Variants in SLC37A1 observed in about 807,000 individuals in gnomAD.
The protein encoded by SLC37A1 is solute carrier family 37 member 1, also known as glucose-6-phosphate exchanger SLC37A1.
SLC37A1 carries 49 observed loss-of-function variants against 75.3 expected under a neutral mutation model. The observed-to-expected ratio is 0.65, with a 90% CI of 0.52 to 0.83. The LOEUF is 0.83. SLC37A1 is among the 40% of genes least tolerant of loss of function. The pLI is 0.00. For missense variants in SLC37A1, 566 were observed against 695.0 expected (o/e 0.81, Z 2.09); for synonymous variants, 268 against 292.1 (o/e 0.92, Z 0.84).
chr21:42,508,122 C>CT (rs398036474), intron 2 of SLC37A1, among the ~76,000 whole-genome samples: 4,412 of 80,620 alleles, frequency 0.055, 209 homozygotes, highest in East Asian at 0.11. Context: ...AGAGTACGCT[C>CT]TTTTTTTTTT....
chr21:42,572,678 A>AC (rs1491130942), intron 17 of SLC37A1, among the ~76,000 whole-genome samples: 3,618 of 31,754 alleles, frequency 0.11, 226 homozygotes, highest in African/African-American at 0.33. Context: ...ACACACACAC[A>AC]AAAAAAAAAA....
chr21:42,519,999 T>G (rs565985992), intron 2 of SLC37A1, among the ~76,000 whole-genome samples: 1 of 152,056 alleles, frequency 6.6e-6, no homozygotes, highest in East Asian at 1.9e-4. Flanking sequence ...TGTGTAGATG[T>G]ATGTTTGTAC....
intron 7 of SLC37A1, 90 bp downstream of exon 7, chr21:42,542,570 C>T: frequency 5.8e-6 from 7 of 1,209,570 alleles, no homozygotes; most frequent in Non-Finnish European, 8.4e-6. Flanking sequence ...AGCAAAAACA[C>T]TTTAGTATCC....
chr21:42,517,114 T>C (rs1489194504), intron 1 of SLC37A1, among the ~76,000 whole-genome samples: 3 of 152,250 alleles, frequency 2.0e-5, no homozygotes, highest in African/African-American at 7.2e-5. Flanking sequence ...GAATTTACAA[T>C]GAGGATAATA....
intron 10 of SLC37A1, among the ~76,000 whole-genome samples, chr21:42,556,608 A>G (rs1047485249): frequency 6.6e-6 from 1 of 152,208 alleles, no homozygotes; most frequent in Admixed American, 6.5e-5. Flanking sequence ...CGTGGAGTGC[A>G]CTGGCCACAG....
At position 42,570,109 on chromosome 21, in the gene SLC37A1, T is replaced by G. The variant is rs9982764; in HGVS notation, c.1423+1671T>G. Among the ~76,000 whole-genome samples, 30 of 46,726 alleles carry G rather than the reference T, an allele frequency of 6.4e-4. 3 individuals are homozygous for G. Among genetic ancestry groups the G allele is most frequent in the African/African-American group, 2.1e-3 (28 of 13,330 alleles). The allele number at this position is 46,726 out of a possible 152,430, so 30.7% of individuals were successfully genotyped here. On this transcript the variant is annotated intron_variant, in intron 17 of 19. Coordinates refer to ENST00000352133, the MANE Select transcript of SLC37A1 (RefSeq NM_001320537.2). The stretch of plus-strand genomic sequence containing the variant: ...CACACGGCCTGGTTCTGAGAAGTGG[T>G]GGGCAGGGTGGCTGTTGCCATGTGA...
At chr21:42,554,231 T>C in intron 10 of SLC37A1, 89 bp downstream of exon 10, 1 of 1,086,744 alleles carries the variant, frequency 9.2e-7, no homozygotes, top group Non-Finnish European at 1.3e-6. Context: ...CCTCTGCCTA[T>C]GTGACATGTG....
In SLC37A1 at chr21:42,550,841, G is replaced by T. The variant is rs565160535; in HGVS notation, c.769-3221G>T. ...CAAAAGCTGCATGATCATCTCAGTA[G>T]AAGCAGGCAAAGCACTGGACAAAAT... On this transcript the variant is annotated intron_variant, in intron 9 of 19. Transcript: ENST00000352133. Among the ~76,000 whole-genome samples, 4 of 152,360 alleles carry T rather than the reference G, an allele frequency of 2.6e-5. No individual in the cohort carries two copies. In the East Asian group the frequency reaches 7.7e-4, roughly 29 times the overall value.
Position 42,545,053 on chromosome 21 carries a change from C to T in SLC37A1, c.730+1451C>T, listed in dbSNP as rs2055372673. On this transcript the variant is annotated intron_variant, in intron 8 of 19. Coordinates refer to ENST00000352133, the MANE Select transcript of SLC37A1 (RefSeq NM_001320537.2). This position sits in a 1 kb window ranked among gnomAD's most constrained non-coding sequence, Gnocchi z 4.0. ...AGCACCCGCTCCAGGCATTCACGGC[C>T]CTATGTTGATGTTTGTCTCTGTAAG... is the stretch of plus-strand genomic sequence containing the variant. 6.6e-6 allele frequency among the ~76,000 whole-genome samples: 1 copy of T among 152,172 alleles called. No individual in the cohort carries two copies. The highest frequency in any genetic ancestry group is 6.5e-5 in the Admixed American group (1 of 15,272).
Position 42,522,446 on chromosome 21 carries a change from G to C in SLC37A1, c.57-3330G>C, listed in dbSNP as rs367738083. The stretch of plus-strand genomic sequence containing the variant: ...CCTACCCAGAGGCCAGGCGTATCGG[G>C]GTGACAACCAGCAAGGCAGCGGCCC... On this transcript the variant is annotated intron_variant, in intron 2 of 19. Transcript: ENST00000352133. 2.6e-5 allele frequency among the ~76,000 whole-genome samples: 4 copies of C among 152,144 alleles called. No individual in the cohort carries two copies. In the East Asian group the frequency reaches 5.8e-4, roughly 22 times the overall value.
chr21:42,525,055 A>G (rs1285749331), intron 2 of SLC37A1, among the ~76,000 whole-genome samples: 1 of 152,210 alleles, frequency 6.6e-6, no homozygotes, highest in Non-Finnish European at 1.5e-5. Flanking sequence ...GACTCCCTCA[A>G]CGACAGCGTT....
At chr21:42,580,319 A>C (rs1323250968) in intron 19 of SLC37A1, 26 bp from the exon 20 acceptor site, 1 of 1,610,580 alleles carries the variant, frequency 6.2e-7, no homozygotes, top group Non-Finnish European at 8.5e-7. Context: ...CTGTTAGAGC[A>C]GCTCTTCTTT....
In SLC37A1 at chr21:42,548,180, G is replaced by A. The variant is rs1057185778; in HGVS notation, c.768+1040G>A. 2.0e-5 allele frequency among the ~76,000 whole-genome samples: 3 copies of A among 152,156 alleles called. No individual in the cohort carries two copies. The highest frequency in any genetic ancestry group is 7.2e-5 in the African/African-American group (3 of 41,438). ...CTCTCTCCTTGTCTGCCCGCTCACT[G>A]CAGGAGAGCGCGCTCGGGCCTTTCA... is the stretch of plus-strand genomic sequence containing the variant. On this transcript the variant is annotated intron_variant, in intron 9 of 19. Transcript: ENST00000352133. The surrounding 1 kb of genome is among the most constrained non-coding windows in gnomAD (Gnocchi z 5.6).
intron 3 of SLC37A1, among the ~76,000 whole-genome samples, chr21:42,533,220 G>A (rs2055038317): frequency 6.6e-6 from 1 of 152,138 alleles, no homozygotes; most frequent in Non-Finnish European, 1.5e-5. Flanking sequence ...CCTCTCTCAG[G>A]TTCCAGCTCA....
chr21:42,527,269 G>C (rs918763790), intron 3 of SLC37A1, among the ~76,000 whole-genome samples: 3 of 152,156 alleles, frequency 2.0e-5, no homozygotes, highest in Non-Finnish European at 4.4e-5. Context: ...TGGCCTTTGG[G>C]GGAATCTTTG....
chr21:42,559,990 A>G (rs1014895494), intron 11 of SLC37A1, among the ~76,000 whole-genome samples: 5 of 152,038 alleles, frequency 3.3e-5, no homozygotes, highest in Non-Finnish European at 7.4e-5. Context: ...GACCAAGGGA[A>G]GAACGAGTAG....
intron 2 of SLC37A1, among the ~76,000 whole-genome samples, chr21:42,520,376 G>A (rs2054619106): frequency 6.6e-6 from 1 of 151,950 alleles, no homozygotes; most frequent in South Asian, 2.1e-4. Flanking sequence ...CAATGGCCTT[G>A]TTGTGTTTGA....
chr21:42,518,189 C>T, intron 1 of SLC37A1, 88 bp from the exon 2 acceptor site: 1 of 486,974 alleles, frequency 2.1e-6, no homozygotes, highest in Non-Finnish European at 3.8e-6. Context: ...GGTACTGCTA[C>T]TGTACGTGTG....
At chr21:42,512,067 T>G (rs1386841006), upstream of SLC37A1, among the ~76,000 whole-genome samples, 1 of 77,116 alleles carries the variant, frequency 1.3e-5, no homozygotes, top group African/African-American at 5.8e-5. Flanking sequence ...TCTTAAATAT[T>G]CTCACCACCA....
Sources: gnomAD v4.1 joint callset for allele counts (sites outside exome capture counted in the v4.1 genomes callset) on GRCh38, gnomAD v4.1.1 for gene constraint, Gnocchi (gnomAD v3.1) non-coding constraint, MANE v1.5 for transcripts, NCBI Gene and HGNC (gene_info 2026-07-23, HGNC 2026-07-21) for gene names.